The following ESRRG variants were observed in gnomAD, a reference collection of about 807,000 sequenced individuals.
ESRRG encodes estrogen-related receptor gamma.
Under a neutral mutation model 44.0 loss-of-function variants are expected in ESRRG, and 13 were observed. That is an observed-to-expected ratio of 0.30 (90% CI 0.19 to 0.47). ESRRG has a LOEUF of 0.47. ESRRG is among the 20% of genes least tolerant of loss of function. The pLI, the probability that ESRRG is intolerant of heterozygous loss-of-function variation, is 1.00. For synonymous variants in ESRRG, 215 were observed against 214.6 expected (o/e 1.00, Z -0.02); for missense variants, 395 against 580.6 (o/e 0.68, Z 3.29).
chr1:216,907,346 GATAATTA>G (rs1469491175), intron 2 of ESRRG, among the ~76,000 whole-genome samples: 4 of 152,168 alleles, frequency 2.6e-5, no homozygotes, highest in African/African-American at 7.2e-5. Context: ...ACATTAACCA[GATAATTA>G]ATAATTTCTT....
chr1:216,965,885 T>G (rs2150229079), intron 1 of ESRRG, among the ~76,000 whole-genome samples: 1 of 152,252 alleles, frequency 6.6e-6, no homozygotes, highest in South Asian at 2.1e-4. Flanking sequence ...GCCTTCCAGT[T>G]CATTCTGAAC....
chr1:216,809,986 G>C (rs1304319123), intron 2 of ESRRG, among the ~76,000 whole-genome samples: 2 of 152,140 alleles, frequency 1.3e-5, no homozygotes, highest in Non-Finnish European at 2.9e-5. Context: ...TAAGCTCAGG[G>C]AATGAATGAG....
Position 216,545,807 on chromosome 1 carries a change from A to T in ESRRG, c.862+18412T>A, listed in dbSNP as rs1196555717. Among the ~76,000 whole-genome samples the T allele has an allele frequency of 3.2e-4, 49 of 152,002 alleles. 1 individual carries two copies. Among genetic ancestry groups the T allele is most frequent in the Admixed American group, 3.2e-3 (48 of 15,220 alleles). ...CAAATGTTCCCTGGCCACTTTTTAG[A>T]GTTCACTATTTTTTCTGTTTTATTT... On this transcript the variant is annotated intron_variant, in intron 5 of 6. Transcript: ENST00000408911.
At chr1:216,768,853 G>A (rs1378412265) in intron 2 of ESRRG, among the ~76,000 whole-genome samples, 1 of 151,944 alleles carries the variant, frequency 6.6e-6, no homozygotes, top group Admixed American at 6.6e-5. Flanking sequence ...TCAGAAAAGT[G>A]AATATCTTGT....
rs188782358 is a variant in ESRRG at position 217,113,061 on chromosome 1, G to A, written c.-230+24606C>T. On this transcript the variant is annotated intron_variant, in intron 1 of 8. Transcript: ENST00000366940. Reference sequence around the variant, plus strand: ...TTTTAAGAGAATCGTATTGATAGAAGAGCTGCCCACTTAGACTAAAAGAGA... The same window carrying A: ...TTTTAAGAGAATCGTATTGATAGAAAAGCTGCCCACTTAGACTAAAAGAGA... Among the ~76,000 whole-genome samples the A allele has an allele frequency of 1.7e-3, 266 of 152,282 alleles. 1 individual carries two copies. The highest frequency in any genetic ancestry group is 6.3e-3 in the African/African-American group (262 of 41,562).
intron 5 of ESRRG, among the ~76,000 whole-genome samples, chr1:216,562,397 T>C (rs2149519266): frequency 6.6e-6 from 1 of 152,244 alleles, no homozygotes; most frequent in South Asian, 2.1e-4. Context: ...GCAAGTGTTT[T>C]TTACCTCTCT....
chr1:216,704,615 A>C (rs1398161982), intron 1 of ESRRG, among the ~76,000 whole-genome samples: 1 of 152,200 alleles, frequency 6.6e-6, no homozygotes, highest in African/African-American at 2.4e-5. Context: ...AGCCAGAGGA[A>C]ATATTAAAAA....
In ESRRG at chr1:217,119,045, AGATAGAG is replaced by A. The variant is rs1446194088; in HGVS notation, c.-230+18615_-230+18621del. On this transcript the variant is annotated intron_variant, in intron 1 of 8. Transcript: ENST00000366940. ...TAGATAGATAGATAGATAGATAGAT[AGATAGAG>A]ACACAGATACAGATACAGATAGATA... Among the ~76,000 whole-genome samples, 216 of 151,204 alleles carry A rather than the reference AGATAGAG, an allele frequency of 1.4e-3. 1 individual carries two copies. Among genetic ancestry groups the A allele is most frequent in the African/African-American group, 5.0e-3 (206 of 41,110 alleles).
chr1:216,582,019 T>A (rs1237568799), intron 3 of ESRRG, among the ~76,000 whole-genome samples: 1 of 152,240 alleles, frequency 6.6e-6, no homozygotes, highest in Non-Finnish European at 1.5e-5. Context: ...GGTCACTATT[T>A]AGAACTTACT....
intron 1 of ESRRG, among the ~76,000 whole-genome samples, chr1:217,136,860 A>G (rs995135849): frequency 2.6e-5 from 4 of 152,174 alleles, no homozygotes; most frequent in African/African-American, 4.8e-5. Context: ...TGTCGCACAG[A>G]AACCAGGGTC....
intron 2 of ESRRG, among the ~76,000 whole-genome samples, chr1:216,802,486 C>G (rs2094653757): frequency 6.6e-6 from 1 of 152,114 alleles, no homozygotes; most frequent in Admixed American, 6.5e-5. Flanking sequence ...AATCAAATAA[C>G]TATATTCAGG....
chr1:216,672,484 A>G (rs1213535009), intron 2 of ESRRG, among the ~76,000 whole-genome samples: 2 of 152,212 alleles, frequency 1.3e-5, no homozygotes, highest in Non-Finnish European at 2.9e-5. Flanking sequence ...GTCTGGATAT[A>G]TGTTCTTTTG....
chr1:216,989,536 C>T lies in ESRRG; in HGVS notation c.-105-49863G>A, dbSNP rs545788414. On this transcript the variant is annotated intron_variant, in intron 1 of 7. Transcript: ENST00000359162. ...CAACCAATAGGTGAAAATAGGCTTTCGAGGATTCCATCAATCAAAAAACCC... is the reference window on the plus strand; with the variant it reads ...CAACCAATAGGTGAAAATAGGCTTTTGAGGATTCCATCAATCAAAAAACCC... Among the ~76,000 whole-genome samples, 17 of 151,578 alleles carry T rather than the reference C, an allele frequency of 1.1e-4. No homozygotes were observed. In the South Asian group the frequency reaches 3.1e-3, roughly 28 times the overall value.
chr1:216,712,166 G>C (rs533390776), intron 1 of ESRRG, among the ~76,000 whole-genome samples: 1 of 152,266 alleles, frequency 6.6e-6, no homozygotes. Context: ...ATAGGCCCTA[G>C]TGGTAAACAT....
chr1:216,651,364 T>C (rs981408838), intron 2 of ESRRG, among the ~76,000 whole-genome samples: 6 of 152,200 alleles, frequency 3.9e-5, no homozygotes, highest in African/African-American at 1.4e-4. Flanking sequence ...CCATGCAAAG[T>C]AAGAGTCTTC....
At chr1:216,894,154 C>T (rs919097095) in intron 2 of ESRRG, among the ~76,000 whole-genome samples, 6 of 152,020 alleles carry the variant, frequency 3.9e-5, no homozygotes, top group Admixed American at 1.3e-4. Flanking sequence ...TATTCTGCCC[C>T]GATTATAACC....
chr1:216,730,825 G>C (rs1280676527), intron 2 of ESRRG, among the ~76,000 whole-genome samples: 2 of 152,120 alleles, frequency 1.3e-5, no homozygotes, highest in African/African-American at 4.8e-5. Flanking sequence ...AGGAAAAAAG[G>C]ATTGAAGACA....
intron 2 of ESRRG, among the ~76,000 whole-genome samples, chr1:216,786,347 G>A (rs1211802278): frequency 2.6e-5 from 4 of 152,084 alleles, no homozygotes; most frequent in Non-Finnish European, 4.4e-5. Flanking sequence ...GATCTCAAAC[G>A]TTGAATTCAT....
At chr1:217,054,046 C>A (rs896972234) in intron 1 of ESRRG, among the ~76,000 whole-genome samples, 68 of 150,832 alleles carry the variant, frequency 4.5e-4, no homozygotes, top group African/African-American at 1.6e-3. Context: ...AAAAAAAAGC[C>A]TCACTGGAAT....
Sources: gnomAD v4.1 joint callset for allele counts (sites outside exome capture counted in the v4.1 genomes callset) on GRCh38, gnomAD v4.1.1 for gene constraint, MANE v1.5 for transcripts, NCBI Gene and HGNC (gene_info 2026-07-23, HGNC 2026-07-21) for gene names.